ADARB2: variants seen among roughly 807,000 people sequenced by gnomAD.
ADARB2 encodes the protein inactive double-stranded RNA-specific editase B2.
In ADARB2, 25 loss-of-function variants were observed where a neutral mutation model predicts 62.2. That is an observed-to-expected ratio of 0.40 (90% CI 0.29 to 0.56). The LOEUF (loss-of-function observed/expected upper bound fraction) is 0.56. Among genes scored for constraint, ADARB2 ranks in the 20% least tolerant of loss-of-function variants. The pLI is 0.43. For missense variants in ADARB2, 1,071 were observed against 1,077.4 expected (o/e 0.99, Z 0.08); for synonymous variants, 572 against 500.8 (o/e 1.14, Z -1.90).
Position 1,481,830 on chromosome 10 carries a change from C to T in ADARB2, c.101-102670G>A, listed in dbSNP as rs575174205. 3.5e-5 allele frequency among the ~76,000 whole-genome samples: 5 copies of T among 143,804 alleles called. No individual in the cohort carries two copies. In the East Asian group the frequency reaches 1.0e-3, roughly 29 times the overall value. 94.3% of individuals were successfully genotyped at this position (143,804 alleles called of 152,430 possible). A position where few individuals can be genotyped will look rare whatever the true frequency, so the allele number is the denominator to read the frequency against. ...TGAGATTGTGCCACTGCACTCCAGCCTGGACGACAGAGTGAGACTCCATCT... is the reference window on the plus strand; with the variant it reads ...TGAGATTGTGCCACTGCACTCCAGCTTGGACGACAGAGTGAGACTCCATCT... On this transcript the variant is annotated intron_variant, in intron 1 of 9. Coordinates refer to ENST00000381312, the MANE Select transcript of ADARB2 (RefSeq NM_018702.4).
At chr10:1,404,930 G>A (rs538794580) in intron 1 of ADARB2, among the ~76,000 whole-genome samples, 21 of 152,194 alleles carry the variant, frequency 1.4e-4, no homozygotes, top group Admixed American at 3.9e-4. Flanking sequence ...TTAAGGACAC[G>A]CAGCTTGTTA....
intron 3 of ADARB2, among the ~76,000 whole-genome samples, chr10:1,299,325 G>A (rs1374972954): frequency 1.3e-5 from 2 of 152,136 alleles, no homozygotes; most frequent in South Asian, 4.2e-4. Context: ...CTGCCTCACT[G>A]GGGGACGTGG....
chr10:1,560,366 G>A (rs775883485), intron 1 of ADARB2, among the ~76,000 whole-genome samples: 10 of 152,204 alleles, frequency 6.6e-5, no homozygotes, highest in Non-Finnish European at 1.2e-4. Context: ...CCCATCACAT[G>A]CAGCAGAAAA....
intron 1 of ADARB2, among the ~76,000 whole-genome samples, chr10:1,587,398 T>G (rs1012208289): frequency 6.6e-6 from 1 of 152,194 alleles, no homozygotes; most frequent in African/African-American, 2.4e-5. Context: ...AATATAGGAC[T>G]TTCTTGCTTC....
intron 2 of ADARB2, among the ~76,000 whole-genome samples, chr10:1,369,868 G>T (rs1031341459): frequency 2.0e-5 from 3 of 152,154 alleles, no homozygotes; most frequent in Non-Finnish European, 4.4e-5. Context: ...TGTCTCCAAA[G>T]CTCGAGGCAC....
chr10:1,554,410 G>A (rs1012300355), intron 1 of ADARB2, among the ~76,000 whole-genome samples: 1 of 152,150 alleles, frequency 6.6e-6, no homozygotes, highest in African/African-American at 2.4e-5. Context: ...AATGAATGCT[G>A]TCTCTTCCCT....
rs200090056 is a variant in ADARB2, at chr10:1,577,230, A to G, written c.100+159821T>C. On this transcript the variant is annotated intron_variant, in intron 1 of 9. Transcript: ENST00000381312. ...GGTGGGTGGAAAGAAGCTCAGGTGC[A>G]TCCTGGTGCAAAGCTGTCCCGGAAA... Among the ~76,000 whole-genome samples the G allele has an allele frequency of 2.8e-4, 21 of 75,064 alleles. 1 individual carries two copies. Among genetic ancestry groups the G allele is most frequent in the South Asian group, 4.5e-4 (1 of 2,242 alleles). 49.2% of individuals were successfully genotyped at this position (75,064 alleles called of 152,430 possible).
Position 1,415,539 on chromosome 10 carries a change from G to A in ADARB2, c.101-36379C>T, listed in dbSNP as rs147475733. Among the ~76,000 whole-genome samples the A allele has an allele frequency of 8.7e-3, 1,326 of 152,054 alleles. 10 individuals are homozygous for A. The highest frequency in any genetic ancestry group is 0.029 in the African/African-American group (1,217 of 41,486). ...CTTCCGCATGGTAAGAAATATTTGG[G>A]AATAGGGTGACTCTCTCTAATTAAG... On this transcript the variant is annotated intron_variant, in intron 1 of 9. Transcript: ENST00000381312.
intron 1 of ADARB2, among the ~76,000 whole-genome samples, chr10:1,513,560 C>T (rs531993320): frequency 4.1e-4 from 63 of 152,296 alleles, no homozygotes; most frequent in Middle Eastern, 3.4e-3. Flanking sequence ...TGATGGAGCG[C>T]GCTGGGAAGG....
chr10:1,275,209 G>GA, intron 3 of ADARB2, among the ~76,000 whole-genome samples: 1 of 152,264 alleles, frequency 6.6e-6, no homozygotes, highest in Non-Finnish European at 1.5e-5. Context: ...ATGGCCAGCA[G>GA]ATGCCAGGTG....
At chr10:1,591,285 T>A (rs1833249672) in intron 1 of ADARB2, among the ~76,000 whole-genome samples, 1 of 152,344 alleles carries the variant, frequency 6.6e-6, no homozygotes, top group South Asian at 2.1e-4. Context: ...ACTGCAGGGC[T>A]GCTCGGAGGC....
chr10:1,382,358 C>T (rs567319504), intron 1 of ADARB2, among the ~76,000 whole-genome samples: 1 of 152,300 alleles, frequency 6.6e-6, no homozygotes, highest in East Asian at 1.9e-4. Context: ...AACAAGTACA[C>T]CTGAAATTCC....
At chr10:1,220,174 GTGA>G (rs1328998981) in intron 6 of ADARB2, among the ~76,000 whole-genome samples, 2,787 of 78,346 alleles carry the variant, frequency 0.036, no homozygotes, top group Admixed American at 0.068. Context: ...AATGATGGTG[GTGA>G]TGATGGTGGT....
intron 1 of ADARB2, among the ~76,000 whole-genome samples, chr10:1,544,513 G>A (rs940759992): frequency 6.6e-6 from 1 of 152,186 alleles, no homozygotes; most frequent in African/African-American, 2.4e-5. Context: ...CCCAGCCAGA[G>A]TCGTCACGGC....
Position 1,209,326 on chromosome 10 carries a change from C to T in ADARB2, c.1682+7625G>A, listed in dbSNP as rs141659009. On this transcript the variant is annotated intron_variant, in intron 7 of 9. Coordinates refer to ENST00000381312, the MANE Select transcript of ADARB2 (RefSeq NM_018702.4). ...ACACCTACAGCCTCGCCCACACCCA[C>T]GCCATCACCCACACCCATGCCCATG... 1.6e-3 allele frequency among the ~76,000 whole-genome samples: 236 copies of T among 150,950 alleles called. 1 individual carries two copies. In the East Asian group the frequency reaches 0.043, roughly 27 times the overall value.
chr10:1,625,040 A>C (rs1833749620), intron 1 of ADARB2, among the ~76,000 whole-genome samples: 1 of 152,246 alleles, frequency 6.6e-6, no homozygotes, highest in Non-Finnish European at 1.5e-5. Context: ...TGTTAGCTAA[A>C]GATTTTTCTT....
chr10:1,257,903 A>G (rs1000109397), intron 4 of ADARB2, among the ~76,000 whole-genome samples: 1 of 152,212 alleles, frequency 6.6e-6, no homozygotes, highest in African/African-American at 2.4e-5. Flanking sequence ...CCCCAGGTGC[A>G]CACATTTGAA....
chr10:1,233,744 G>T lies in ADARB2; in HGVS notation c.1463C>A (p.Ser488Tyr). 1 of 1,614,006 alleles carries T rather than the reference G, an allele frequency of 6.2e-7. No homozygotes were observed. The highest frequency in any genetic ancestry group is 8.5e-7 in the Non-Finnish European group (1 of 1,179,972). Residue 488 changes from serine to tyrosine, a missense_variant, in exon 6 of 10, where the codon TCC becomes TAC. By Grantham distance (144) the Ser-to-Tyr change is moderately radical. Coordinates refer to ENST00000381312, the MANE Select transcript of ADARB2 (RefSeq NM_018702.4). ...NILFHLYVSTSPCGDARLHSP... is the reference protein window; with the variant it reads ...NILFHLYVSTYPCGDARLHSP... The stretch of plus-strand genomic sequence containing the variant: ...GTGGAGTCTTGCGTCTCCACAGGGG[G>T]AGGTGCTCACGTAGAGATGGAAGAG...
chr10:1,233,695 G>T lies in ADARB2; in HGVS notation c.1512C>A (p.Asp504Glu). 6.2e-7 allele frequency: 1 copy of T among 1,612,988 alleles called. No homozygotes were observed. The highest frequency in any genetic ancestry group is 8.5e-7 in the Non-Finnish European group (1 of 1,179,408). The change falls in exon 6 of 10, where the codon GAC becomes GAA. Residue 504 changes from aspartate to glutamate, a missense_variant and splice_region_variant. Coordinates refer to ENST00000381312, the MANE Select transcript of ADARB2 (RefSeq NM_018702.4). Reference sequence around the variant, plus strand: ...GAAGGTAAAAGCATGGTCTCTTACGGTCTGTGGTGATCTCGTAGGGAGAGT... The same window carrying T: ...GAAGGTAAAAGCATGGTCTCTTACGTTCTGTGGTGATCTCGTAGGGAGAGT... ...RLHSPYEITT[D>E]LHSSKHLVRK...
Sources: allele counts gnomAD v4.1 joint callset (sites outside exome capture counted in the v4.1 genomes callset), GRCh38; gene constraint gnomAD v4.1.1; transcripts MANE v1.5; gene names NCBI Gene and HGNC (gene_info 2026-07-23, HGNC 2026-07-21).